The following AKAIN1 variants were observed in gnomAD, a reference collection of about 807,000 sequenced individuals.
The protein encoded by AKAIN1 is A-kinase anchor inhibitor 1, also known as A-kinase anchor protein inhibitor 1.
AKAIN1 carries 3 observed loss-of-function variants against 3.7 expected under a neutral mutation model. The ratio of observed to expected loss-of-function variants is 0.82; its 90% CI spans 0.37 to 2.12. The LOEUF (loss-of-function observed/expected upper bound fraction) is 2.12, where lower values mean the gene tolerates loss of function less well. AKAIN1 is among the 30% of genes most tolerant of loss of function. The pLI is 0.06. For missense variants in AKAIN1, 82 were observed against 82.7 expected, an observed-to-expected ratio of 0.99 and a Z score of 0.03; for synonymous variants, 31 against 30.8, an observed-to-expected ratio of 1.01 and a Z score of -0.02.
At chr18:5,192,389 C>CTT (rs1555611429) in intron 1 of AKAIN1, among the ~76,000 whole-genome samples, 1 of 81,996 alleles carries the variant, frequency 1.2e-5, no homozygotes, top group Admixed American at 1.2e-4. Context: ...AGCTAATTTT[C>CTT]TTTCTTTCTT....
chr18:5,144,322 T>G lies in AKAIN1; in HGVS notation c.*1240A>C, dbSNP rs430364. Among the ~76,000 whole-genome samples the G allele has an allele frequency of 2.6e-5, 4 of 152,054 alleles. No individual in the cohort carries two copies. In the East Asian group the frequency reaches 7.7e-4, roughly 29 times the overall value. On this transcript the variant is annotated 3_prime_UTR_variant, in exon 2 of 2. Transcript: ENST00000434239. ...AATGTAGATATTGATACTCTGAAAC[T>G]AGAAGGTTTTTAACCAAGGTCAAAT... is the stretch of plus-strand genomic sequence containing the variant.
chr18:5,174,147 G>A (rs1295209482), intron 1 of AKAIN1, among the ~76,000 whole-genome samples: 1 of 152,096 alleles, frequency 6.6e-6, no homozygotes, highest in Admixed American at 6.6e-5. Context: ...TCATGCTGCG[G>A]ACTCAATGAT....
chr18:5,184,377 A>C (rs570655755), intron 1 of AKAIN1, among the ~76,000 whole-genome samples: 1 of 152,076 alleles, frequency 6.6e-6, no homozygotes, highest in Non-Finnish European at 1.5e-5. Flanking sequence ...AAAAGACATC[A>C]AATAGGAGGA....
chr18:5,192,932 T>C (rs573515280), intron 1 of AKAIN1, among the ~76,000 whole-genome samples: 1 of 152,314 alleles, frequency 6.6e-6, no homozygotes, highest in African/African-American at 2.4e-5. Flanking sequence ...AAGCCAATTT[T>C]TCTGTATGTT....
intron 1 of AKAIN1, among the ~76,000 whole-genome samples, chr18:5,174,591 A>C (rs2071215544): frequency 6.6e-6 from 1 of 152,106 alleles, no homozygotes; most frequent in African/African-American, 2.4e-5. Context: ...AAATACAAAA[A>C]TTAGCAGAGC....
intron 1 of AKAIN1, among the ~76,000 whole-genome samples, chr18:5,182,199 G>A (rs1032532150): frequency 4.6e-5 from 7 of 152,052 alleles, no homozygotes; most frequent in African/African-American, 7.2e-5. Context: ...AAGTTTTAAT[G>A]TCTGCACAGG....
chr18:5,165,515 A>C (rs2071162829), intron 1 of AKAIN1, among the ~76,000 whole-genome samples: 1 of 152,046 alleles, frequency 6.6e-6, no homozygotes, highest in Non-Finnish European at 1.5e-5. Context: ...TTCAGAGTAC[A>C]GATGGGAGTT....
chr18:5,196,043 C>T (rs568392678), intron 1 of AKAIN1, among the ~76,000 whole-genome samples: 3 of 152,248 alleles, frequency 2.0e-5, no homozygotes, highest in South Asian at 2.1e-4. Flanking sequence ...AAATGCATTA[C>T]GCCTTTTCTC....
rs551328645 is a variant in AKAIN1 at position 5,145,264 on chromosome 18, G to A, written c.*298C>T. The A allele has an allele frequency of 5.0e-5, 13 of 257,986 alleles. No homozygotes were observed. In the East Asian group the frequency reaches 1.0e-3, roughly 20 times the overall value. The allele number at this position is 257,986 out of a possible 1,614,324, so 16.0% of individuals were successfully genotyped here. On this transcript the variant is annotated 3_prime_UTR_variant, in exon 2 of 2. Coordinates refer to ENST00000434239, the MANE Select transcript of AKAIN1 (RefSeq NM_001145194.2). ...GGCAGAAGTAAATAAACGAGACATA[G>A]AATTCTTTTTTTCAAATAAAAGAAC...
rs61213934 is a variant in AKAIN1, at chr18:5,156,111, G to A, written c.17-10356C>T. On this transcript the variant is annotated intron_variant, in intron 1 of 1. Coordinates refer to ENST00000434239, the MANE Select transcript of AKAIN1 (RefSeq NM_001145194.2). ...CCACTCAGATAAGAATTACTGGACC[G>A]TATTACCAGAACTCTTAAATATTTA... Among the ~76,000 whole-genome samples, 591 of 152,172 alleles carry A rather than the reference G, an allele frequency of 3.9e-3. 5 individuals carry two copies. Among genetic ancestry groups the A allele is most frequent in the African/African-American group, 0.013 (534 of 41,512 alleles).
intron 1 of AKAIN1, among the ~76,000 whole-genome samples, chr18:5,169,819 A>T (rs1450873519): frequency 2.0e-5 from 3 of 152,190 alleles, no homozygotes; most frequent in Non-Finnish European, 4.4e-5. Context: ...ATCTACATAC[A>T]TAATTGTCTA....
At chr18:5,148,580 G>A (rs2071062355) in intron 1 of AKAIN1, among the ~76,000 whole-genome samples, 1 of 152,220 alleles carries the variant, frequency 6.6e-6, no homozygotes, top group Non-Finnish European at 1.5e-5. Context: ...GAGGGGCCAG[G>A]TGCAGTGACT....
intron 1 of AKAIN1, among the ~76,000 whole-genome samples, chr18:5,168,990 T>C (rs138190538): frequency 1.5e-4 from 23 of 151,770 alleles, no homozygotes; most frequent in African/African-American, 4.6e-4. Context: ...CATAGAGAAA[T>C]ATTTGTTTTA....
rs907469240 is a variant in AKAIN1, at chr18:5,184,917, A to G, written c.16+12121T>C. Among the ~76,000 whole-genome samples, 86 of 152,180 alleles carry G rather than the reference A, an allele frequency of 5.7e-4. 1 individual carries two copies. The highest frequency in any genetic ancestry group is 5.5e-3 in the Admixed American group (84 of 15,260). On this transcript the variant is annotated intron_variant, in intron 1 of 1. Coordinates refer to ENST00000434239, the MANE Select transcript of AKAIN1 (RefSeq NM_001145194.2). Reference sequence around the variant, plus strand: ...TCCTCAGCAAAAAGAACAAAGCAGGAGGCATCACATTATTTAACTTCAAAC... The same window carrying G: ...TCCTCAGCAAAAAGAACAAAGCAGGGGGCATCACATTATTTAACTTCAAAC...
At chr18:5,175,575 C>T (rs1367558097) in intron 1 of AKAIN1, among the ~76,000 whole-genome samples, 2 of 152,006 alleles carry the variant, frequency 1.3e-5, no homozygotes, top group Non-Finnish European at 2.9e-5. Context: ...CATCAGTGAG[C>T]CAAAGGTAGA....
chr18:5,152,687 C>T lies in AKAIN1; in HGVS notation c.17-6932G>A, dbSNP rs373176283. 2.1e-4 allele frequency among the ~76,000 whole-genome samples: 32 copies of T among 152,194 alleles called. No individual in the cohort carries two copies. In the South Asian group the frequency reaches 6.0e-3, roughly 29 times the overall value. On this transcript the variant is annotated intron_variant, in intron 1 of 1. Transcript: ENST00000434239. ...GAGAGGGGACTTAAGGATTAATGAA[C>T]ATTAACTGATAAAAGGAAGGTGCTG... is the stretch of plus-strand genomic sequence containing the variant.
intron 1 of AKAIN1, among the ~76,000 whole-genome samples, chr18:5,188,435 G>A (rs2071299834): frequency 6.6e-6 from 1 of 152,034 alleles, no homozygotes; most frequent in Non-Finnish European, 1.5e-5. Flanking sequence ...TCTTGGTACA[G>A]CTGACACTTC....
intron 1 of AKAIN1, among the ~76,000 whole-genome samples, chr18:5,172,706 T>C (rs931695340): frequency 6.6e-6 from 1 of 151,776 alleles, no homozygotes; most frequent in East Asian, 1.9e-4. Context: ...TTTATTTATA[T>C]TTATTAAAAA....
Position 5,153,720 on chromosome 18 carries a change from T to A in AKAIN1, c.17-7965A>T, listed in dbSNP as rs116477900. ...CAGTGAAACAACTCTGTATGATAGA[T>A]ACTATAATGATGGACACGTCATTGC... On this transcript the variant is annotated intron_variant, in intron 1 of 1. Transcript: ENST00000434239. Among the ~76,000 whole-genome samples, 252 of 152,336 alleles carry A rather than the reference T, an allele frequency of 1.7e-3. 3 individuals are homozygous for A. Among genetic ancestry groups the A allele is most frequent in the African/African-American group, 5.8e-3 (240 of 41,570 alleles).
Sources: allele counts gnomAD v4.1 joint callset (sites outside exome capture counted in the v4.1 genomes callset), GRCh38; gene constraint gnomAD v4.1.1; transcripts MANE v1.5; gene names NCBI Gene and HGNC (gene_info 2026-07-23, HGNC 2026-07-21).